Variants in PTPN13 observed in about 807,000 individuals in gnomAD.
PTPN13 encodes the protein tyrosine-protein phosphatase non-receptor type 13.
In PTPN13, 191 loss-of-function variants were observed where a neutral mutation model predicts 284.0. The observed-to-expected ratio is 0.67, with a 90% CI of 0.60 to 0.76. PTPN13 has a LOEUF of 0.76. Among genes scored for constraint, PTPN13 ranks in the 30% least tolerant of loss-of-function variants. PTPN13 has a pLI of 0.00. For missense variants in PTPN13, 2,797 were observed against 2,939.9 expected (o/e 0.95, Z 1.12); for synonymous variants, 986 against 1,022.3 (o/e 0.96, Z 0.68).
chr4:86,764,237 C>T (rs1739027705), intron 24 of PTPN13, among the ~76,000 whole-genome samples: 1 of 151,980 alleles, frequency 6.6e-6, no homozygotes, highest in Admixed American at 6.6e-5. Flanking sequence ...ATATAAAAGC[C>T]AGGTTTGAAC....
In PTPN13 at chr4:86,693,423, C is replaced by A. The variant is rs551136181; in HGVS notation, c.547-164C>A. 2.0e-5 allele frequency among the ~76,000 whole-genome samples: 3 copies of A among 152,202 alleles called. No homozygotes were observed. The South Asian group carries it at 6.2e-4, about 32-fold the overall frequency. On this transcript the variant is annotated intron_variant, in intron 5 of 47. Coordinates refer to ENST00000411767, the MANE Select transcript of PTPN13 (RefSeq NM_080683.3). ...CAGCACTGGTCTACATAAATCTTAT[C>A]CAAGAATACAAATTACCCTACAAAT...
intron 28 of PTPN13, among the ~76,000 whole-genome samples, chr4:86,768,276 CT>C (rs1273702309): frequency 6.6e-6 from 1 of 152,154 alleles, no homozygotes; most frequent in Non-Finnish European, 1.5e-5. Flanking sequence ...AAAACAAATG[CT>C]GAGATGCCTT....
At chr4:86,764,753 T>G in intron 25 of PTPN13, 29 bp downstream of exon 25, 1 of 1,581,388 alleles carries the variant, frequency 6.3e-7, no homozygotes, top group Non-Finnish European at 8.5e-7. Context: ...TTCAAATGTT[T>G]TCTCTTCTTT....
intron 3 of PTPN13, among the ~76,000 whole-genome samples, chr4:86,673,087 T>C (rs1727887848): frequency 6.6e-6 from 1 of 152,220 alleles, no homozygotes; most frequent in African/African-American, 2.4e-5. Flanking sequence ...AACATTGATC[T>C]GACAGGAGGC....
intron 6 of PTPN13, among the ~76,000 whole-genome samples, chr4:86,700,619 C>G (rs1016023900): frequency 1.3e-5 from 2 of 152,096 alleles, no homozygotes; most frequent in African/African-American, 4.8e-5. Context: ...GCCATGGAAA[C>G]AGTAAGTTTC....
At chr4:86,674,891 A>T (rs1728111221) in intron 3 of PTPN13, among the ~76,000 whole-genome samples, 2 of 152,152 alleles carry the variant, frequency 1.3e-5, no homozygotes, top group South Asian at 4.1e-4. Flanking sequence ...ACATTGTACG[A>T]TTCATTTAAT....
chr4:86,764,812 C>T, intron 25 of PTPN13, 88 bp downstream of exon 25: 3 of 1,421,682 alleles, frequency 2.1e-6, no homozygotes, highest in Non-Finnish European at 2.8e-6. Context: ...AATTATTTTG[C>T]ATCAAAAGGG....
At chr4:86,646,595 G>C (rs1724456616) in intron 2 of PTPN13, among the ~76,000 whole-genome samples, 1 of 152,220 alleles carries the variant, frequency 6.6e-6, no homozygotes. Flanking sequence ...ACTGTGCCCA[G>C]CCAGCAACTG....
At chr4:86,744,606 A>G (rs544077244) in intron 16 of PTPN13, among the ~76,000 whole-genome samples, 2 of 152,220 alleles carry the variant, frequency 1.3e-5, no homozygotes, top group Non-Finnish European at 2.9e-5. Context: ...ATAATGTTGT[A>G]TCTTTACCAC....
intron 1 of PTPN13, among the ~76,000 whole-genome samples, chr4:86,628,207 T>C (rs1482336255): frequency 6.6e-6 from 1 of 152,182 alleles, no homozygotes; most frequent in Non-Finnish European, 1.5e-5. Context: ...TCTCTACATC[T>C]TTGTCAATAC....
intron 35 of PTPN13, 28 bp downstream of exon 35, chr4:86,775,680 A>G (rs763507734): frequency 6.5e-6 from 10 of 1,535,102 alleles, no homozygotes; most frequent in Non-Finnish European, 8.9e-6. Flanking sequence ...ATGAGTTTTG[A>G]TTGTGCGTGT....
At chr4:86,732,928 A>T (rs1029054633) in intron 12 of PTPN13, among the ~76,000 whole-genome samples, 162 bp downstream of exon 12, 27 of 152,060 alleles carry the variant, frequency 1.8e-4, no homozygotes, top group African/African-American at 6.3e-4. Context: ...AGCTACTTTC[A>T]TTGTTTTAAT....
Position 86,771,545 on chromosome 4 carries a change from A to G in PTPN13, c.5168+10A>G, listed in dbSNP as rs1334335967. The G allele has an allele frequency of 1.3e-6, 2 of 1,559,442 alleles. No individual in the cohort carries two copies. The highest frequency in any genetic ancestry group is 2.3e-5 in the East Asian group (1 of 43,464). On this transcript the variant is annotated intron_variant, in intron 31 of 47. Coordinates refer to ENST00000411767, the MANE Select transcript of PTPN13 (RefSeq NM_080683.3). ...CAGAGTTTGAGGACAGGTATCATCA[A>G]TATAATGTGAACCGCTCAAAGCAAC... is the stretch of plus-strand genomic sequence containing the variant.
At chr4:86,658,128 C>T (rs1211861281) in intron 2 of PTPN13, among the ~76,000 whole-genome samples, 4 of 152,212 alleles carry the variant, frequency 2.6e-5, no homozygotes, top group South Asian at 2.1e-4. Flanking sequence ...GGGTTCTTCT[C>T]GCTGGAGTTG....
intron 15 of PTPN13, among the ~76,000 whole-genome samples, chr4:86,741,127 A>T (rs1000237333): frequency 6.6e-6 from 1 of 151,930 alleles, no homozygotes; most frequent in African/African-American, 2.4e-5. Context: ...AGCCCTCCAA[A>T]CTGTTTCAGC....
intron 27 of PTPN13, 81 bp from the exon 28 acceptor site, chr4:86,767,736 A>G (rs934253842): frequency 5.2e-6 from 6 of 1,152,088 alleles, no homozygotes; most frequent in Non-Finnish European, 7.1e-6. Flanking sequence ...ATTTTATACC[A>G]TTAACTATAC....
intron 2 of PTPN13, among the ~76,000 whole-genome samples, chr4:86,639,901 A>G (rs1421353958): frequency 6.6e-6 from 1 of 152,166 alleles, no homozygotes; most frequent in African/African-American, 2.4e-5. Context: ...CAGCCCAGCA[A>G]TTTGTGTTTT....
chr4:86,615,639 C>T (rs1288877397), intron 1 of PTPN13, among the ~76,000 whole-genome samples: 3 of 152,122 alleles, frequency 2.0e-5, no homozygotes, highest in Non-Finnish European at 4.4e-5. Flanking sequence ...CCTATGACAT[C>T]CTCTCCAGAT....
intron 16 of PTPN13, among the ~76,000 whole-genome samples, chr4:86,743,382 T>C (rs1311973033): frequency 6.6e-6 from 1 of 150,920 alleles, no homozygotes; most frequent in Admixed American, 6.6e-5. Flanking sequence ...CTTTCTTTCA[T>C]GTTTATGCTT....
Sources: allele counts gnomAD v4.1 joint callset (sites outside exome capture counted in the v4.1 genomes callset), GRCh38; gene constraint gnomAD v4.1.1; transcripts MANE v1.5; gene names NCBI Gene and HGNC (gene_info 2026-07-23, HGNC 2026-07-21).